BIRC6: variants seen among roughly 807,000 people sequenced by gnomAD.
The protein encoded by BIRC6 is dual E2 ubiquitin-conjugating enzyme/E3 ubiquitin-protein ligase BIRC6.
BIRC6 carries 98 observed loss-of-function variants against 503.3 expected under a neutral mutation model. That is an observed-to-expected ratio of 0.19 (90% confidence interval 0.17 to 0.23). The LOEUF (loss-of-function observed/expected upper bound fraction) is 0.23. Ranked by LOEUF, BIRC6 falls within the 10% of genes least tolerant of loss-of-function variation. The probability of loss-of-function intolerance (pLI) is 1.00; values close to 1 mark genes in which losing one functional copy is unlikely to be tolerated. For synonymous variants in BIRC6, 2,240 were observed against 2,078.7 expected (o/e 1.08, Z -2.11); for missense variants, 5,360 against 5,806.0 (o/e 0.92, Z 2.50).
chr2:32,464,488 T>C lies in BIRC6; in HGVS notation c.4942-21T>C, dbSNP rs1426390163. On this transcript the variant is annotated intron_variant, in intron 24 of 73. Transcript: ENST00000421745. ...GGTAGGCAGGATTAGTCTATATATG[T>C]TGCTTTTACTTCTTTTGCAGAAAGC... 5 of 1,544,330 alleles carry C rather than the reference T, an allele frequency of 3.2e-6. No individual in the cohort carries two copies. In the African/African-American group the frequency reaches 4.1e-5, roughly 13 times the overall value.
intron 3 of BIRC6, among the ~76,000 whole-genome samples, chr2:32,384,461 A>G (rs999313961): frequency 6.6e-6 from 1 of 152,040 alleles, no homozygotes; most frequent in Admixed American, 6.6e-5. Context: ...GTCAGTCCAC[A>G]GGCAATGGAC....
Position 32,465,176 on chromosome 2 carries a change from C to G in BIRC6, c.5356+12C>G. 1 of 1,126,978 alleles carries G rather than the reference C, an allele frequency of 8.9e-7. No individual in the cohort carries two copies. The highest frequency in any genetic ancestry group is 1.2e-6 in the Non-Finnish European group (1 of 838,174). 69.8% of individuals were successfully genotyped at this position (1,126,978 alleles called of 1,614,324 possible). A position where few individuals can be genotyped will look rare whatever the true frequency, so the allele number is the denominator to read the frequency against. The stretch of plus-strand genomic sequence containing the variant: ...GCGAATGCATTCAGGTAATCTTTTA[C>G]TTTCTTAAATTTTTTTTTTTTTTTT... On this transcript the variant is annotated intron_variant, in intron 26 of 73. Coordinates refer to ENST00000421745, the MANE Select transcript of BIRC6 (RefSeq NM_016252.4).
chr2:32,441,513 C>T, intron 17 of BIRC6, 51 bp downstream of exon 17: 1 of 1,518,264 alleles, frequency 6.6e-7, no homozygotes, highest in Non-Finnish European at 9.0e-7. Context: ...AAGTGCAGAG[C>T]ATAACACCAC....
chr2:32,396,303 T>A (rs1232112959), intron 6 of BIRC6, among the ~76,000 whole-genome samples: 1 of 152,198 alleles, frequency 6.6e-6, no homozygotes, highest in Non-Finnish European at 1.5e-5. Flanking sequence ...TACTATCCCA[T>A]TTTAAAATGA....
At chr2:32,534,059 T>C (rs1483518742) in intron 61 of BIRC6, among the ~76,000 whole-genome samples, 2 of 152,242 alleles carry the variant, frequency 1.3e-5, no homozygotes, top group Admixed American at 6.5e-5. Flanking sequence ...GTGTGTTTAA[T>C]AAGAGACACT....
chr2:32,431,181 CTTTTTTTTTTTTTTTT>C (rs10610125), intron 12 of BIRC6, 91 bp downstream of exon 12: 1,255 of 69,352 alleles, frequency 0.018, 38 homozygotes, highest in Middle Eastern at 0.026. Flanking sequence ...TACTGTTTAT[CTTTTTTTTTTTTTTTT>C]TTTTTTTTTT....
intron 65 of BIRC6, among the ~76,000 whole-genome samples, chr2:32,550,571 T>G (rs1353839879): frequency 6.6e-6 from 1 of 152,114 alleles, no homozygotes; most frequent in African/African-American, 2.4e-5. Context: ...TTAGATTATA[T>G]AGAACAATTG....
Position 32,470,175 on chromosome 2 carries a change from A to G in BIRC6, c.6355A>G (p.Met2119Val), listed in dbSNP as rs112802753. Reference sequence around the variant, plus strand: ...TGTTTGTTTTGTTTTTAGGGTCTTCATGTTACTTTCCTGCATTGGTCAAAG... The same window carrying G: ...TGTTTGTTTTGTTTTTAGGGTCTTCGTGTTACTTTCCTGCATTGGTCAAAG... Reference protein sequence around the residue: ...LLIFPQDRVFMLLSCIGQRSL... With the variant: ...LLIFPQDRVFVLLSCIGQRSL... The change falls in exon 31 of 74, where the codon ATG (methionine) becomes GTG (valine). Residue 2119 changes from methionine to valine, a missense_variant. Coordinates refer to ENST00000421745, the MANE Select transcript of BIRC6 (RefSeq NM_016252.4). 39 of 1,540,074 alleles carry G rather than the reference A, an allele frequency of 2.5e-5. 1 individual carries two copies. Among genetic ancestry groups the G allele is most frequent in the African/African-American group, 2.2e-4 (16 of 72,490 alleles).
chr2:32,604,371 T>G lies in BIRC6; in HGVS notation c.14070+1288T>G, dbSNP rs374535171. On this transcript the variant is annotated intron_variant, in intron 71 of 73. Coordinates refer to ENST00000421745, the MANE Select transcript of BIRC6 (RefSeq NM_016252.4). ...TGCTTATTTCCGGCCTACAGTAAAA[T>G]GTAGTGTGCATTAAAATGACTGTGT... Among the ~76,000 whole-genome samples, 4 of 152,128 alleles carry G rather than the reference T, an allele frequency of 2.6e-5. No homozygotes were observed. In the East Asian group the frequency reaches 7.7e-4, roughly 29 times the overall value.
At chr2:32,430,739 C>G (rs2044000436) in intron 11 of BIRC6, 126 bp from the exon 12 acceptor site, 2 of 676,906 alleles carry the variant, frequency 3.0e-6, no homozygotes, top group Admixed American at 5.8e-5. Flanking sequence ...TATTAACTTT[C>G]AGAATATTTG....
chr2:32,400,726 T>C (rs2040516603), intron 6 of BIRC6, among the ~76,000 whole-genome samples: 1 of 152,222 alleles, frequency 6.6e-6, no homozygotes, highest in African/African-American at 2.4e-5. Context: ...GTGGCATTTA[T>C]CGAGTTTCAG....
At chr2:32,615,968 AG>A (rs2063206333) in intron 73 of BIRC6, among the ~76,000 whole-genome samples, 1 of 152,136 alleles carries the variant, frequency 6.6e-6, no homozygotes. Flanking sequence ...TGATTATTTA[AG>A]GTCATTTCTC....
intron 66 of BIRC6, 106 bp downstream of exon 66, chr2:32,575,472 T>C: frequency 5.7e-6 from 6 of 1,052,846 alleles, no homozygotes; most frequent in South Asian, 4.3e-5. Context: ...TTTAAAAGCA[T>C]ATACACCCTC....
At chr2:32,597,352 A>T (rs2061738193) in intron 68 of BIRC6, among the ~76,000 whole-genome samples, 1 of 152,218 alleles carries the variant, frequency 6.6e-6, no homozygotes, top group South Asian at 2.1e-4. Flanking sequence ...TGATTAAAAC[A>T]GGCTGTGCAT....
chr2:32,381,690 C>G (rs1183885626), intron 3 of BIRC6, among the ~76,000 whole-genome samples: 2 of 152,110 alleles, frequency 1.3e-5, no homozygotes, highest in African/African-American at 2.4e-5. Flanking sequence ...GGATTATAGG[C>G]ACACGCCACC....
At position 32,360,338 on chromosome 2, in the gene BIRC6, A is replaced by G. The variant is rs147008703; in HGVS notation, c.325+2852A>G. Among the ~76,000 whole-genome samples the G allele has an allele frequency of 8.1e-3, 1,232 of 152,292 alleles. 10 individuals carry two copies. The highest frequency in any genetic ancestry group is 0.014 in the Admixed American group (216 of 15,286). On this transcript the variant is annotated intron_variant, in intron 1 of 73. Transcript: ENST00000421745. ...TATGTCTTTATATTATCTGTATCTG[A>G]TATAAAATGTTTATAAATACAGTTT...
At chr2:32,408,474 C>T (rs2149866777) in intron 9 of BIRC6, among the ~76,000 whole-genome samples, 1 of 152,238 alleles carries the variant, frequency 6.6e-6, no homozygotes, top group South Asian at 2.1e-4. Flanking sequence ...CTGTGGGCTT[C>T]AGTTTTTCCT....
chr2:32,582,022 C>A (rs1443840773), intron 66 of BIRC6, among the ~76,000 whole-genome samples: 1 of 152,070 alleles, frequency 6.6e-6, no homozygotes, highest in Non-Finnish European at 1.5e-5. Flanking sequence ...CCACACCTGG[C>A]TAATTTTTGT....
chr2:32,470,352 T>C (rs994564965), intron 31 of BIRC6, 51 bp downstream of exon 31: 2 of 1,416,402 alleles, frequency 1.4e-6, no homozygotes, highest in East Asian at 2.6e-5. Context: ...CCTGCAAATA[T>C]TTCTTTTATA....
Sources: gnomAD v4.1 joint callset for allele counts (sites outside exome capture counted in the v4.1 genomes callset) on GRCh38, gnomAD v4.1.1 for gene constraint, MANE v1.5 for transcripts, NCBI Gene and HGNC (gene_info 2026-07-23, HGNC 2026-07-21) for gene names.